The following PRIMA1 variants were observed in gnomAD, a reference collection of about 807,000 sequenced individuals.
PRIMA1 encodes the protein proline-rich membrane anchor 1.
In PRIMA1, 7 loss-of-function variants were observed where a neutral mutation model predicts 17.5. The ratio of observed to expected loss-of-function variants is 0.40; its 90% confidence interval spans 0.23 to 0.75. The LOEUF is 0.75. Among genes scored for constraint, PRIMA1 ranks in the 30% least tolerant of loss-of-function variants. The probability of loss-of-function intolerance (pLI) is 0.37; values close to 1 mark genes in which losing one functional copy is unlikely to be tolerated. For synonymous variants in PRIMA1, 97 were observed against 77.9 expected (o/e 1.25, Z -1.29); for missense variants, 200 against 201.8 (o/e 0.99, Z 0.05).
rs74073895 is a variant in PRIMA1, at chr14:93,723,263, G to A, written c.360-1717C>T. The stretch of plus-strand genomic sequence containing the variant: ...GTTGAGCCCGGATCTGCCCTTGCTG[G>A]TAGCTGTCCAGGCTGGACACTTATG... On this transcript the variant is annotated intron_variant, in intron 4 of 4. Transcript: ENST00000393140. Among the ~76,000 whole-genome samples, 694 of 152,252 alleles carry A rather than the reference G, an allele frequency of 4.6e-3. 6 individuals are homozygous for A. Among genetic ancestry groups the A allele is most frequent in the African/African-American group, 0.016 (672 of 41,528 alleles).
chr14:93,733,232 A>C (rs1197702572), intron 4 of PRIMA1, among the ~76,000 whole-genome samples: 1 of 152,022 alleles, frequency 6.6e-6, no homozygotes, highest in Non-Finnish European at 1.5e-5. Flanking sequence ...CTCCCACCCC[A>C]CCTGGCTACC....
At position 93,747,853 on chromosome 14, in the gene PRIMA1, ATGAGTGTGTG is replaced by A. The variant is rs758029304; in HGVS notation, c.230-10493_230-10484del. On this transcript the variant is annotated intron_variant, in intron 3 of 4. Transcript: ENST00000393140. Reference sequence around the variant, plus strand: ...TGTGTGAGAGTGTATGAGTGTGTGTATGAGTGTGTGTGAGTGGGGACTGAGTGGGAGAGTG... The same window carrying A: ...TGTGTGAGAGTGTATGAGTGTGTGTATGAGTGGGGACTGAGTGGGAGAGTG... Among the ~76,000 whole-genome samples, 595 of 142,658 alleles carry A rather than the reference ATGAGTGTGTG, an allele frequency of 4.2e-3. 3 individuals carry two copies. The highest frequency in any genetic ancestry group is 7.4e-3 in the Non-Finnish European group (488 of 65,686). The allele number at this position is 142,658 out of a possible 152,430, so 93.6% of individuals were successfully genotyped here.
chr14:93,753,679 T>C (rs2076273907), intron 3 of PRIMA1, among the ~76,000 whole-genome samples: 1 of 152,174 alleles, frequency 6.6e-6, no homozygotes, highest in African/African-American at 2.4e-5. Flanking sequence ...CAACAGAGCT[T>C]TCCCAAAGGC....
chr14:93,767,025 AGT>A (rs1284272630), intron 3 of PRIMA1, among the ~76,000 whole-genome samples: 3 of 152,266 alleles, frequency 2.0e-5, no homozygotes, highest in Non-Finnish European at 4.4e-5. Flanking sequence ...TGATGGGCAG[AGT>A]GGCCTACAAG....
At chr14:93,771,280 C>T (rs991410420) in intron 3 of PRIMA1, among the ~76,000 whole-genome samples, 20 of 152,080 alleles carry the variant, frequency 1.3e-4, no homozygotes, top group Non-Finnish European at 2.4e-4. Context: ...CAGCCCTGGT[C>T]CCTTGATTCT....
intron 3 of PRIMA1, among the ~76,000 whole-genome samples, chr14:93,748,425 T>C (rs2076240097): frequency 6.6e-6 from 1 of 152,056 alleles, no homozygotes; most frequent in Non-Finnish European, 1.5e-5. Context: ...CAACGCAGTG[T>C]GTGGAAAGGG....
chr14:93,730,265 C>T (rs1180939564), intron 4 of PRIMA1, among the ~76,000 whole-genome samples: 2 of 152,204 alleles, frequency 1.3e-5, no homozygotes, highest in African/African-American at 2.4e-5. Context: ...TGTGGGCACA[C>T]GAACACCGAC....
intron 3 of PRIMA1, among the ~76,000 whole-genome samples, chr14:93,765,794 C>A (rs1389855693): frequency 6.6e-6 from 1 of 152,186 alleles, no homozygotes; most frequent in African/African-American, 2.4e-5. Flanking sequence ...CAAGTCAACA[C>A]TGAAGACCTC....
At chr14:93,750,182 C>T (rs1173943236) in intron 3 of PRIMA1, among the ~76,000 whole-genome samples, 2 of 151,304 alleles carry the variant, frequency 1.3e-5, no homozygotes, top group Admixed American at 6.6e-5. Flanking sequence ...AGTGAGACTC[C>T]GTCTAAAAAA....
chr14:93,780,119 C>T (rs577284905), intron 2 of PRIMA1, among the ~76,000 whole-genome samples: 5 of 152,364 alleles, frequency 3.3e-5, no homozygotes, highest in African/African-American at 4.8e-5. Context: ...TCCAGGCCCC[C>T]GGCCTCTGCA....
chr14:93,744,825 G>C (rs1260326071), intron 3 of PRIMA1, among the ~76,000 whole-genome samples: 1 of 152,170 alleles, frequency 6.6e-6, no homozygotes, highest in Non-Finnish European at 1.5e-5. Flanking sequence ...AGAGGCACCC[G>C]TGCCTGGCCC....
At chr14:93,748,768 G>C (rs1457013997) in intron 3 of PRIMA1, among the ~76,000 whole-genome samples, 2 of 152,110 alleles carry the variant, frequency 1.3e-5, no homozygotes, top group African/African-American at 2.4e-5. Context: ...TTATCATCAA[G>C]GGCACTGTTC....
chr14:93,755,170 G>A (rs896935554), intron 3 of PRIMA1, among the ~76,000 whole-genome samples: 9 of 152,166 alleles, frequency 5.9e-5, no homozygotes, highest in African/African-American at 2.2e-4. Context: ...CTCCCCAGAG[G>A]CAACCATTGG....
At chr14:93,758,832 A>G (rs999224856) in intron 3 of PRIMA1, among the ~76,000 whole-genome samples, 1 of 152,056 alleles carries the variant, frequency 6.6e-6, no homozygotes, top group Non-Finnish European at 1.5e-5. Flanking sequence ...AGGGATGATG[A>G]GGGCCCACTG....
chr14:93,780,764 C>T (rs1885353810), intron 2 of PRIMA1, among the ~76,000 whole-genome samples: 1 of 152,218 alleles, frequency 6.6e-6, no homozygotes, highest in African/African-American at 2.4e-5. Flanking sequence ...CTGCCAGTGT[C>T]CCTCACTATA....
Position 93,745,715 on chromosome 14 carries a change from G to A in PRIMA1, c.230-8345C>T, listed in dbSNP as rs920291509. ...TGTGCTGGGTCTGCTGGGTTATCACGGTTGTCCCATCCCCCTGCCAGCCCC... is the reference window on the plus strand; with the variant it reads ...TGTGCTGGGTCTGCTGGGTTATCACAGTTGTCCCATCCCCCTGCCAGCCCC... On this transcript the variant is annotated intron_variant, in intron 3 of 4. Transcript: ENST00000393140. Among the ~76,000 whole-genome samples, 16 of 152,220 alleles carry A rather than the reference G, an allele frequency of 1.1e-4. No individual in the cohort carries two copies. In the South Asian group the frequency reaches 1.2e-3, roughly 12 times the overall value.
intron 3 of PRIMA1, among the ~76,000 whole-genome samples, chr14:93,778,442 A>G (rs1256111316): frequency 1.3e-5 from 2 of 152,232 alleles, no homozygotes; most frequent in Non-Finnish European, 2.9e-5. Flanking sequence ...GGTTATTGAA[A>G]ATACATCCCA....
rs185927035 is a variant in PRIMA1 at position 93,756,026 on chromosome 14, C to A, written c.230-18656G>T. On this transcript the variant is annotated intron_variant, in intron 3 of 4. Transcript: ENST00000393140. ...TCCCTAGCCTCGTGCTGTCTGCAAT[C>A]CAGGTTGAGAGCCCTGTGAGATGCC... is the stretch of plus-strand genomic sequence containing the variant. 6.0e-4 allele frequency among the ~76,000 whole-genome samples: 91 copies of A among 152,298 alleles called. 1 individual carries two copies. Among genetic ancestry groups the A allele is most frequent in the African/African-American group, 2.2e-3 (90 of 41,562 alleles).
chr14:93,788,972 C>T (rs1315523874), upstream of PRIMA1, among the ~76,000 whole-genome samples: 1 of 152,108 alleles, frequency 6.6e-6, no homozygotes, highest in Non-Finnish European at 1.5e-5. Context: ...CGGGAGGCGC[C>T]GGCAGGGAGC....
Sources: allele counts gnomAD v4.1 joint callset (sites outside exome capture counted in the v4.1 genomes callset), GRCh38; gene constraint gnomAD v4.1.1; transcripts MANE v1.5; gene names NCBI Gene and HGNC (gene_info 2026-07-23, HGNC 2026-07-21).